Variants in HYDIN observed in about 807,000 individuals in gnomAD.
HYDIN encodes the protein axonemal central pair apparatus protein HYDIN.
Under a neutral mutation model 403.9 loss-of-function variants are expected in HYDIN, and 132 were observed. That is an observed-to-expected ratio of 0.33 (90% CI 0.28 to 0.38). The LOEUF (loss-of-function observed/expected upper bound fraction) is 0.38. Ranked by LOEUF, HYDIN falls within the 10% of genes least tolerant of loss-of-function variation. The pLI, the probability that HYDIN is intolerant of heterozygous loss-of-function variation, is 1.00. For missense variants in HYDIN, 2,827 were observed against 5,009.5 expected (o/e 0.56, Z 13.15); for synonymous variants, 1,202 against 1,891.7 (o/e 0.64, Z 9.46).
intron 45 of HYDIN, among the ~76,000 whole-genome samples, chr16:70,922,895 T>G (rs1484355828): frequency 6.7e-6 from 1 of 148,410 alleles, no homozygotes; most frequent in African/African-American, 2.5e-5. Context: ...GCCTCCCAAG[T>G]AGCTTGGGAC....
At chr16:70,911,652 T>C (rs1037092013) in intron 47 of HYDIN, among the ~76,000 whole-genome samples, 3 of 152,024 alleles carry the variant, frequency 2.0e-5, no homozygotes, top group East Asian at 1.9e-4. Flanking sequence ...TGAAGAATGA[T>C]GGTGGTATTT....
intron 16 of HYDIN, chr16:71,062,539 C>T: frequency 1.9e-6 from 1 of 518,278 alleles, no homozygotes; most frequent in South Asian, 2.9e-5. Context: ...ATTCAAAGTG[C>T]CCAGCACAGC....
At chr16:70,902,821 ATTTTT>A (rs60618592) in intron 52 of HYDIN, among the ~76,000 whole-genome samples, 1,304 of 47,284 alleles carry the variant, frequency 0.028, 94 homozygotes, top group African/African-American at 0.13. Context: ...ATATATATAT[ATTTTT>A]TTTTTTTTTT....
chr16:71,130,678 C>T (rs1205545669), intron 8 of HYDIN, among the ~76,000 whole-genome samples: 3 of 150,832 alleles, frequency 2.0e-5, no homozygotes, highest in African/African-American at 4.9e-5. Context: ...TTAGTAGAGA[C>T]GGGGTTTCAC....
chr16:71,228,042 C>G (rs1217729737), intron 1 of HYDIN, among the ~76,000 whole-genome samples: 6 of 151,854 alleles, frequency 4.0e-5, no homozygotes, highest in South Asian at 2.1e-4. Flanking sequence ...ACAAACCTGA[C>G]AAAAACAAGA....
intron 4 of HYDIN, 104 bp downstream of exon 4, chr16:71,178,824 T>C: frequency 1.1e-6 from 1 of 943,906 alleles, no homozygotes; most frequent in African/African-American, 1.6e-5. Flanking sequence ...TTCCTAAGTC[T>C]ATCAAATTAA....
In HYDIN at chr16:71,004,871, T is replaced by TA. The variant is rs2144083780; in HGVS notation, c.3645-12662dup. ...CTTAGCGGGTTCTTAAAAATGGGGA[T>TA]ATTTGAAACTATTTCTTTAATGGTT... On this transcript the variant is annotated intron_variant, in intron 23 of 85. Transcript: ENST00000393567. Among the ~76,000 whole-genome samples, 3 of 152,144 alleles carry TA rather than the reference T, an allele frequency of 2.0e-5. No homozygotes were observed. In the South Asian group the frequency reaches 6.2e-4, roughly 32 times the overall value.
At chr16:70,929,127 T>C (rs2143839215) in intron 45 of HYDIN, among the ~76,000 whole-genome samples, 1 of 148,382 alleles carries the variant, frequency 6.7e-6, no homozygotes, top group Non-Finnish European at 1.5e-5. Flanking sequence ...TTGTCTCTAC[T>C]AAAAATACAA....
intron 41 of HYDIN, among the ~76,000 whole-genome samples, chr16:70,948,154 A>G (rs376401422): frequency 4.0e-5 from 6 of 149,894 alleles, no homozygotes; most frequent in Non-Finnish European, 4.5e-5. Context: ...ATAACACCGC[A>G]TATCTACAAC....
intron 10 of HYDIN, among the ~76,000 whole-genome samples, chr16:71,106,223 A>G (rs1315853011): frequency 6.6e-6 from 1 of 151,418 alleles, no homozygotes; most frequent in African/African-American, 2.4e-5. Context: ...AAGAACTTGC[A>G]ATTCTTTGCC....
intron 18 of HYDIN, among the ~76,000 whole-genome samples, chr16:71,043,800 G>C (rs2081363828): frequency 6.6e-6 from 1 of 151,696 alleles, no homozygotes; most frequent in Non-Finnish European, 1.5e-5. Context: ...TAAGAGTAAA[G>C]CACTAAGGCT....
chr16:70,960,083 A>C (rs2078365773), intron 38 of HYDIN, among the ~76,000 whole-genome samples: 1 of 152,092 alleles, frequency 6.6e-6, no homozygotes, highest in African/African-American at 2.4e-5. Context: ...AAAAGTAGAA[A>C]GGACATTTGT....
At chr16:70,992,714 C>T (rs533617657) in intron 23 of HYDIN, among the ~76,000 whole-genome samples, 1 of 151,886 alleles carries the variant, frequency 6.6e-6, no homozygotes, top group Admixed American at 6.6e-5. Flanking sequence ...GACCTTGCCT[C>T]CTACAATGTG....
intron 37 of HYDIN, among the ~76,000 whole-genome samples, chr16:70,963,059 C>G (rs999908639): frequency 5.3e-5 from 8 of 152,072 alleles, no homozygotes; most frequent in Admixed American, 5.2e-4. Flanking sequence ...AAGGCCTTCT[C>G]TGCCTTTGGG....
intron 11 of HYDIN, among the ~76,000 whole-genome samples, chr16:71,092,171 C>T (rs1308323730): frequency 2.0e-5 from 3 of 151,940 alleles, no homozygotes; most frequent in Admixed American, 2.0e-4. Flanking sequence ...TCAGGTTTGC[C>T]GTTCCTTGAA....
At chr16:71,187,923 A>G (rs973722003) in intron 1 of HYDIN, among the ~76,000 whole-genome samples, 3 of 152,168 alleles carry the variant, frequency 2.0e-5, no homozygotes, top group Non-Finnish European at 4.4e-5. Context: ...GAGCTCCTTA[A>G]GAAGAGAATA....
rs556571103 is a variant in HYDIN at position 70,910,189 on chromosome 16, C to T, written c.8005-1328G>A. ...GTGAGATTTTGGTGCACCCATCACCCGAGCAGTATACACTGCACCCTATTT... is the reference window on the plus strand; with the variant it reads ...GTGAGATTTTGGTGCACCCATCACCTGAGCAGTATACACTGCACCCTATTT... On this transcript the variant is annotated intron_variant, in intron 47 of 85. Transcript: ENST00000393567. Among the ~76,000 whole-genome samples, 12 of 152,124 alleles carry T rather than the reference C, an allele frequency of 7.9e-5. No individual in the cohort carries two copies. The South Asian group carries it at 1.2e-3, about 16-fold the overall frequency.
At chr16:70,979,795 G>A (rs1330698073) in intron 29 of HYDIN, among the ~76,000 whole-genome samples, 1 of 152,128 alleles carries the variant, frequency 6.6e-6, no homozygotes, top group African/African-American at 2.4e-5. Context: ...ATGGTGGTGT[G>A]TGGCTGTAAT....
At chr16:71,148,965 G>A (rs2144567312) in intron 7 of HYDIN, among the ~76,000 whole-genome samples, 1 of 131,642 alleles carries the variant, frequency 7.6e-6, no homozygotes, top group Middle Eastern at 3.5e-3. Flanking sequence ...CACTATGTTG[G>A]CCAGGCTGGT....
Sources: gnomAD v4.1 joint callset for allele counts (sites outside exome capture counted in the v4.1 genomes callset) on GRCh38, gnomAD v4.1.1 for gene constraint, MANE v1.5 for transcripts, NCBI Gene and HGNC (gene_info 2026-07-23, HGNC 2026-07-21) for gene names.